RBFOX1: variants seen among roughly 807,000 people sequenced by gnomAD.
RBFOX1 encodes RNA binding protein fox-1 homolog 1.
In RBFOX1, 8 loss-of-function variants were observed where a neutral mutation model predicts 57.7. The observed-to-expected ratio is 0.14, with a 90% CI of 0.08 to 0.25. The LOEUF is 0.25. RBFOX1 is among the 10% of genes least tolerant of loss of function. The pLI is 1.00. For synonymous variants in RBFOX1, 326 were observed against 222.4 expected, an observed-to-expected ratio of 1.47 and a Z score of -4.15; for missense variants, 611 against 548.5, an observed-to-expected ratio of 1.11 and a Z score of -1.14.
chr16:5,359,546 G>A (rs2065484107), intron 1 of RBFOX1, among the ~76,000 whole-genome samples: 1 of 152,212 alleles, frequency 6.6e-6, no homozygotes, highest in African/African-American at 2.4e-5. Flanking sequence ...GTCTGGATTT[G>A]CATTCTCTGA....
At chr16:5,351,361 A>G (rs1054928788) in intron 1 of RBFOX1, among the ~76,000 whole-genome samples, 1 of 152,206 alleles carries the variant, frequency 6.6e-6, no homozygotes, top group Non-Finnish European at 1.5e-5. Flanking sequence ...TACCCCCTTT[A>G]GAGTTAAGGA....
intron 1 of RBFOX1, among the ~76,000 whole-genome samples, chr16:6,244,188 A>ATT (rs796777268): frequency 1.4e-5 from 2 of 144,118 alleles, no homozygotes; most frequent in African/African-American, 2.5e-5. Context: ...CACTGTCAAC[A>ATT]TTTTTTTTTT....
intron 3 of RBFOX1, among the ~76,000 whole-genome samples, chr16:5,716,899 G>A (rs551601217): frequency 1.3e-4 from 20 of 152,190 alleles, no homozygotes; most frequent in African/African-American, 4.8e-4. Context: ...TGTCATCCCT[G>A]GTCACCTGCC....
In RBFOX1 at chr16:5,516,124, T is replaced by C. The variant is rs149711381; in HGVS notation, c.258+48870T>C. ...AGAGCATTGATTAAGCTTGGTGGCCTTCTGAGTCCTGTGTCTGGTCCTGAG... is the reference window on the plus strand; with the variant it reads ...AGAGCATTGATTAAGCTTGGTGGCCCTCTGAGTCCTGTGTCTGGTCCTGAG... On this transcript the variant is annotated intron_variant, in intron 2 of 2. Coordinates refer to the RBFOX1 transcript ENST00000585867. 6.8e-3 allele frequency among the ~76,000 whole-genome samples: 1,036 copies of C among 152,288 alleles called. 5 individuals are homozygous for C. The highest frequency in any genetic ancestry group is 0.02 in the Middle Eastern group (6 of 294).
intron 10 of RBFOX1, among the ~76,000 whole-genome samples, chr16:7,625,333 A>T (rs1265000311): frequency 6.6e-6 from 1 of 152,104 alleles, no homozygotes; most frequent in Admixed American, 6.5e-5. Context: ...CCCTTCGAGC[A>T]GTCTTTTCTG....
chr16:7,709,244 C>T (rs2083472063), intron 15 of RBFOX1, 113 bp downstream of exon 15: 4 of 1,105,860 alleles, frequency 3.6e-6, no homozygotes, highest in African/African-American at 1.6e-5. Context: ...GAATTTGTCT[C>T]TTGTGCTAAC....
intron 2 of RBFOX1, among the ~76,000 whole-genome samples, chr16:6,517,269 A>G (rs1031526230): frequency 6.6e-5 from 10 of 152,198 alleles, no homozygotes; most frequent in African/African-American, 2.2e-4. Context: ...ACAATTCTGC[A>G]TATTCAGTTT....
rs80079433 is a variant in RBFOX1 at position 7,079,085 on chromosome 16, C to T, written c.27+26987C>T. Among the ~76,000 whole-genome samples, 16 of 151,942 alleles carry T rather than the reference C, an allele frequency of 1.1e-4. No homozygotes were observed. The East Asian group carries it at 1.9e-3, about 18-fold the overall frequency. On this transcript the variant is annotated intron_variant, in intron 4 of 15. Coordinates refer to ENST00000550418, the MANE Select transcript of RBFOX1 (RefSeq NM_018723.4). The stretch of plus-strand genomic sequence containing the variant: ...CATGACAGCCTGAAGTCTTTATTTA[C>T]GTGTATCTATCCCATATGGTGTACC...
At chr16:5,656,601 A>C (rs1182080035) in intron 3 of RBFOX1, among the ~76,000 whole-genome samples, 1 of 152,192 alleles carries the variant, frequency 6.6e-6, no homozygotes, top group Non-Finnish European at 1.5e-5. Flanking sequence ...CTTATTTATA[A>C]TTGTTAATAT....
chr16:6,744,944 C>T (rs1244883410), intron 3 of RBFOX1, among the ~76,000 whole-genome samples: 1 of 151,670 alleles, frequency 6.6e-6, no homozygotes, highest in East Asian at 1.9e-4. Flanking sequence ...TTTAGCCAGG[C>T]TTAGTAAAGT....
At chr16:7,694,294 A>C (rs2078109134) in intron 14 of RBFOX1, among the ~76,000 whole-genome samples, 1 of 152,164 alleles carries the variant, frequency 6.6e-6, no homozygotes, top group African/African-American at 2.4e-5. Flanking sequence ...CTTACAAATA[A>C]ACACTCATCT....
intron 2 of RBFOX1, among the ~76,000 whole-genome samples, chr16:6,539,504 A>T (rs964041590): frequency 7.2e-5 from 11 of 152,064 alleles, no homozygotes; most frequent in South Asian, 2.1e-4. Flanking sequence ...CTTCTTTAAA[A>T]CACACACGTA....
At chr16:6,085,042 G>A (rs1341890517) in intron 1 of RBFOX1, among the ~76,000 whole-genome samples, 5 of 152,160 alleles carry the variant, frequency 3.3e-5, no homozygotes, top group South Asian at 2.1e-4. Flanking sequence ...CTCAGCGTGC[G>A]TGCTTCATTC....
intron 14 of RBFOX1, among the ~76,000 whole-genome samples, chr16:7,685,010 G>A (rs1196526410): frequency 6.6e-6 from 1 of 152,060 alleles, no homozygotes; most frequent in East Asian, 1.9e-4. Flanking sequence ...AAAGCCTGCA[G>A]AGCCTTGCCT....
intron 3 of RBFOX1, among the ~76,000 whole-genome samples, chr16:7,036,699 AAAC>A (rs2044536670): frequency 6.9e-6 from 1 of 144,814 alleles, no homozygotes; most frequent in African/African-American, 2.5e-5. Context: ...TCTCAAAAAC[AAAC>A]AAACAAACAA....
intron 4 of RBFOX1, among the ~76,000 whole-genome samples, chr16:5,956,254 C>T (rs772175827): frequency 2.6e-5 from 4 of 151,964 alleles, no homozygotes; most frequent in South Asian, 2.1e-4. Context: ...GCATCCTGGG[C>T]GATGGAGTGA....
At chr16:7,572,987 G>A (rs1324194609) in intron 5 of RBFOX1, among the ~76,000 whole-genome samples, 1 of 152,142 alleles carries the variant, frequency 6.6e-6, no homozygotes, top group Non-Finnish European at 1.5e-5. Flanking sequence ...TGGTAGAAAA[G>A]ATAGGCAATA....
At chr16:7,161,114 A>T (rs17142760) in intron 4 of RBFOX1, among the ~76,000 whole-genome samples, 2,513 of 152,240 alleles carry the variant, frequency 0.017, 79 homozygotes, top group African/African-American at 0.057. Context: ...GTTTACATCA[A>T]GACCAACCTC....
intron 4 of RBFOX1, among the ~76,000 whole-genome samples, chr16:5,919,296 C>G (rs1351102134): frequency 6.6e-6 from 1 of 152,198 alleles, no homozygotes; most frequent in Non-Finnish European, 1.5e-5. Context: ...TGTCACCCTA[C>G]TAAAAGCCCA....
Sources: gnomAD v4.1 joint callset for allele counts (sites outside exome capture counted in the v4.1 genomes callset) on GRCh38, gnomAD v4.1.1 for gene constraint, MANE v1.5 for transcripts, NCBI Gene and HGNC (gene_info 2026-07-23, HGNC 2026-07-21) for gene names.